GANAB: variants seen among roughly 807,000 people sequenced by gnomAD.
The protein encoded by GANAB is glucosidase II alpha subunit.
A neutral mutation model predicts 129.9 loss-of-function variants in GANAB; 35 were observed. The ratio of observed to expected loss-of-function variants is 0.27; its 90% CI spans 0.21 to 0.36. GANAB has a LOEUF of 0.36. Ranked by LOEUF, GANAB falls within the 10% of genes least tolerant of loss-of-function variation. The pLI, the probability that GANAB is intolerant of heterozygous loss-of-function variation, is 1.00. For missense variants in GANAB, 939 were observed against 1,221.0 expected (o/e 0.77, Z 3.44); for synonymous variants, 482 against 451.8 (o/e 1.07, Z -0.85).
intron 7 of GANAB, 23 bp from the exon 8 acceptor site, chr11:62,633,124 T>G: frequency 6.2e-7 from 1 of 1,602,180 alleles, no homozygotes; most frequent in Non-Finnish European, 8.6e-7. Context: ...CAAACAAGCT[T>G]CAGAGCTTCT....
At chr11:62,633,793 T>C (rs1162769782) in intron 5 of GANAB, 5 of 530,890 alleles carry the variant, frequency 9.4e-6, no homozygotes, top group Middle Eastern at 5.0e-4. Context: ...AAAGGCAGAA[T>C]GATTCAGGGG....
chr11:62,632,032 G>A (rs1360716414), intron 9 of GANAB, among the ~76,000 whole-genome samples: 1 of 151,638 alleles, frequency 6.6e-6, no homozygotes, highest in Non-Finnish European at 1.5e-5. Flanking sequence ...GGAGTGCAGT[G>A]GTGAAATCTC....
chr11:62,643,296 G>A (rs1195302710), intron 1 of GANAB, among the ~76,000 whole-genome samples: 1 of 152,152 alleles, frequency 6.6e-6, no homozygotes, highest in Non-Finnish European at 1.5e-5. Context: ...ACGAGATCAG[G>A]AGTTAGACCA....
rs762928502 is a variant in GANAB, at chr11:62,630,826, C to T, written c.1161G>A (p.Ala387=). 11 of 1,612,922 alleles carry T rather than the reference C, an allele frequency of 6.8e-6. No individual in the cohort carries two copies. The highest frequency in any genetic ancestry group is 3.3e-4 in the Middle Eastern group (2 of 6,058). ...AGCCGAGGGAGAAGAGTGGGGGCAA[C>T]GCCTGGGTTCCTGCAGGTTCATGAG... ...RQYASLTGTQ[A]LPPLFSLGYH... The change falls in exon 11 of 24, where the codon GCG becomes GCA. Residue 387 remains alanine (A), a synonymous_variant. Transcript: ENST00000356638.
intron 4 of GANAB, among the ~76,000 whole-genome samples, chr11:62,635,218 C>T (rs1943892473): frequency 2.0e-5 from 3 of 151,056 alleles, no homozygotes; most frequent in Admixed American, 1.3e-4. Flanking sequence ...GAGTTTCACT[C>T]TTGTTGCCCA....
At chr11:62,644,920 C>G (rs1944411818) in intron 1 of GANAB, among the ~76,000 whole-genome samples, 1 of 152,070 alleles carries the variant, frequency 6.6e-6, no homozygotes, top group Admixed American at 6.6e-5. Context: ...ATCTAGTTAT[C>G]TAGCATTAGC....
intron 4 of GANAB, among the ~76,000 whole-genome samples, chr11:62,638,407 C>T (rs1316308322): frequency 9.2e-5 from 14 of 152,162 alleles, no homozygotes; most frequent in Non-Finnish European, 2.1e-4. Context: ...CCACCTCGAC[C>T]TCCCAAAGTG....
intron 1 of GANAB, among the ~76,000 whole-genome samples, chr11:62,646,359 C>G (rs1456648056): frequency 6.6e-6 from 1 of 151,920 alleles, no homozygotes; most frequent in Non-Finnish European, 1.5e-5. Context: ...GGCGGGAGCC[C>G]GGAGCCCCAC....
intron 4 of GANAB, among the ~76,000 whole-genome samples, chr11:62,635,438 G>A (rs919195713): frequency 3.3e-5 from 5 of 151,306 alleles, no homozygotes; most frequent in South Asian, 2.1e-4. Context: ...CCTCGGCCTC[G>A]CAAAGTGCTG....
rs368968997 is a variant in GANAB at position 62,632,676 on chromosome 11, C to T, written c.885G>A (p.Leu295=). The T allele has an allele frequency of 5.0e-6, 8 of 1,613,516 alleles. No homozygotes were observed. The African/African-American group carries it at 1.1e-4, about 22-fold the overall frequency. Residue 295 remains leucine (L), a synonymous_variant, in exon 9 of 24, where the codon TTG becomes TTA. Coordinates refer to ENST00000356638, the MANE Select transcript of GANAB (RefSeq NM_198334.3). The part of the protein sequence containing the change: ...FQYELYNPMA[L]YGSVPVLLAH... The stretch of plus-strand genomic sequence containing the variant: ...CCAGGAGCACAGGCACAGACCCATA[C>T]AAGGCCATTGGGTTGTACAGCTCAT...
At chr11:62,631,906 C>CAT (rs1173369804) in intron 9 of GANAB, among the ~76,000 whole-genome samples, 2 of 151,784 alleles carry the variant, frequency 1.3e-5, no homozygotes, top group African/African-American at 2.4e-5. Context: ...CATGAGCTAT[C>CAT]ATGCCCGGCC....
intron 5 of GANAB, 129 bp from the exon 6 acceptor site, chr11:62,633,643 G>A: frequency 1.3e-6 from 1 of 771,468 alleles, no homozygotes; most frequent in Non-Finnish European, 2.2e-6. Context: ...GGGACTAAAT[G>A]TTAAAGCTTG....
At chr11:62,634,652 G>GA (rs761465752) in intron 5 of GANAB, 169 bp downstream of exon 5, 63 of 631,198 alleles carry the variant, frequency 1.0e-4, no homozygotes, top group Non-Finnish European at 1.6e-4. Flanking sequence ...TACAGGAAAT[G>GA]GAAAAAACCG....
chr11:62,640,749 T>TGTGAACCTG (rs1944214216), intron 1 of GANAB, among the ~76,000 whole-genome samples: 1 of 136,564 alleles, frequency 7.3e-6, no homozygotes, highest in African/African-American at 2.8e-5. Context: ...AGGAGAATGG[T>TGTGAACCTG]GTGAACCTGG....
rs767861411 is a variant in GANAB, at chr11:62,634,385, G to A, written c.560+436C>T. 3.1e-6 allele frequency: 5 copies of A among 1,589,452 alleles called. No homozygotes were observed. The Admixed American group carries it at 6.7e-5, about 21-fold the overall frequency. ...AACCTTATCCGAGAAACTGGGGCAG[G>A]AGGAGATGGGTAGGGAAGGGGAAAA... On this transcript the variant is annotated intron_variant, in intron 5 of 23. Transcript: ENST00000356638.
chr11:62,630,841 A>G lies in GANAB; in HGVS notation c.1151-5T>C. The stretch of plus-strand genomic sequence containing the variant: ...GTGGGGGCAACGCCTGGGTTCCTGC[A>G]GGTTCATGAGGGATGGGGGTCACAA... On this transcript the variant is annotated splice_region_variant and splice_polypyrimidine_tract_variant and intron_variant, in intron 10 of 23. Coordinates refer to ENST00000356638, the MANE Select transcript of GANAB (RefSeq NM_198334.3). 1 of 1,605,762 alleles carries G rather than the reference A, an allele frequency of 6.2e-7. No homozygotes were observed. The highest frequency in any genetic ancestry group is 8.5e-7 in the Non-Finnish European group (1 of 1,173,332).
At position 62,634,241 on chromosome 11, in the gene GANAB, C is replaced by A. The variant is rs954947376; in HGVS notation, c.560+580G>T. 3.0e-5 allele frequency: 32 copies of A among 1,057,400 alleles called. 1 individual carries two copies. Among genetic ancestry groups the A allele is most frequent in the South Asian group, 1.3e-4 (10 of 79,398 alleles). 65.5% of individuals were successfully genotyped at this position (1,057,400 alleles called of 1,614,324 possible). A position where few individuals can be genotyped will look rare whatever the true frequency, so the allele number is the denominator to read the frequency against. ...GCTGGAAGGGTCTGGGGCACCTCCCCCCAAAGGCTAGAGTGAGGAATGGGT... is the reference window on the plus strand; with the variant it reads ...GCTGGAAGGGTCTGGGGCACCTCCCACCAAAGGCTAGAGTGAGGAATGGGT... On this transcript the variant is annotated intron_variant, in intron 5 of 23. Transcript: ENST00000356638.
chr11:62,629,113 T>C lies in GANAB; in HGVS notation c.1936+81A>G, dbSNP rs946422740. On this transcript the variant is annotated intron_variant, in intron 16 of 23. Coordinates refer to ENST00000356638, the MANE Select transcript of GANAB (RefSeq NM_198334.3). ...CCTAACTTGGACTCTCAACTCTCTT[T>C]GCTTACAACACCTTGGTCCTGTGCC... The C allele has an allele frequency of 1.1e-5, 17 of 1,541,056 alleles. No homozygotes were observed. In the African/African-American group the frequency reaches 1.5e-4, roughly 14 times the overall value.
chr11:62,627,407 G>A (rs1943445624), intron 17 of GANAB, 54 bp from the exon 18 acceptor site: 1 of 971,650 alleles, frequency 1.0e-6, no homozygotes, highest in Non-Finnish European at 1.7e-6. Context: ...GCACAAGTCA[G>A]AAATGCTCCT....
Sources: allele counts gnomAD v4.1 joint callset (sites outside exome capture counted in the v4.1 genomes callset), GRCh38; gene constraint gnomAD v4.1.1; transcripts MANE v1.5; gene names NCBI Gene and HGNC (gene_info 2026-07-23, HGNC 2026-07-21).